The following ANKHD1 variants were observed in gnomAD, a reference collection of about 807,000 sequenced individuals.
ANKHD1 encodes ankyrin repeat and KH domain containing 1.
ANKHD1 carries 31 observed loss-of-function variants against 230.5 expected under a neutral mutation model. The observed-to-expected ratio is 0.13, with a 90% CI of 0.10 to 0.18. The LOEUF (loss-of-function observed/expected upper bound fraction) is 0.18. Among genes scored for constraint, ANKHD1 ranks in the 10% least tolerant of loss-of-function variants. ANKHD1 has a pLI of 1.00. For missense variants in ANKHD1, 2,256 were observed against 3,071.3 expected (o/e 0.73, Z 6.27); for synonymous variants, 1,074 against 1,117.6 (o/e 0.96, Z 0.78).
chr5:140,470,479 A>G (rs957953524), intron 10 of ANKHD1, among the ~76,000 whole-genome samples: 2 of 151,174 alleles, frequency 1.3e-5, no homozygotes, highest in African/African-American at 4.9e-5. Context: ...ATTCATATGT[A>G]TGGTCTCCCT....
At chr5:140,513,559 A>T in intron 24 of ANKHD1, 80 bp downstream of exon 24, 1 of 1,440,352 alleles carries the variant, frequency 6.9e-7, no homozygotes, top group Non-Finnish European at 9.4e-7. Context: ...CTATGATCCC[A>T]GCACTTCAGA....
intron 10 of ANKHD1, among the ~76,000 whole-genome samples, chr5:140,472,740 C>CT (rs1561774983): frequency 6.6e-6 from 1 of 151,992 alleles, no homozygotes; most frequent in Non-Finnish European, 1.5e-5. Flanking sequence ...AAAACGTTTA[C>CT]TATATAGTTT....
intron 1 of ANKHD1, among the ~76,000 whole-genome samples, chr5:140,424,243 C>G (rs200595466): frequency 1.3e-5 from 2 of 149,472 alleles, no homozygotes; most frequent in Middle Eastern, 3.4e-3. Flanking sequence ...GAGAGAGAGA[C>G]AGAGACAGAG....
chr5:140,463,330 C>T (rs1775853682), intron 9 of ANKHD1, among the ~76,000 whole-genome samples: 1 of 152,136 alleles, frequency 6.6e-6, no homozygotes, highest in Non-Finnish European at 1.5e-5. Flanking sequence ...TCATTGTAGT[C>T]TCTGATAGTT....
At chr5:140,532,203 CT>C (rs1215651678) in intron 29 of ANKHD1, among the ~76,000 whole-genome samples, 1 of 130,128 alleles carries the variant, frequency 7.7e-6, no homozygotes, top group Non-Finnish European at 1.6e-5. Context: ...GAGACTCTGT[CT>C]TAAAAAAAAA....
chr5:140,471,810 T>G (rs1776514286), intron 10 of ANKHD1, among the ~76,000 whole-genome samples: 1 of 152,174 alleles, frequency 6.6e-6, no homozygotes, highest in Non-Finnish European at 1.5e-5. Flanking sequence ...TTAAGTACAT[T>G]TATAATGAGG....
intron 14 of ANKHD1, among the ~76,000 whole-genome samples, chr5:140,494,953 T>A (rs1581336144): frequency 6.6e-6 from 1 of 152,306 alleles, no homozygotes; most frequent in Admixed American, 6.5e-5. Context: ...TTTAGTAAAT[T>A]TACTGAGTTG....
chr5:140,412,898 T>C (rs1273843887), intron 1 of ANKHD1, among the ~76,000 whole-genome samples: 2 of 152,220 alleles, frequency 1.3e-5, no homozygotes. Flanking sequence ...TTAGCAACTA[T>C]TTGTGGAAGA....
rs146844367 is a variant in ANKHD1, at chr5:140,447,330, A to G, written c.1147+1355A>G. On this transcript the variant is annotated intron_variant, in intron 6 of 33. Coordinates refer to ENST00000360839, the MANE Select transcript of ANKHD1 (RefSeq NM_017747.3). ...CTATCCTCCTGCCTCAGCCTCCTGA[A>G]TAGCTAGGATTACAGACTCACACCA... Among the ~76,000 whole-genome samples, 366 of 152,106 alleles carry G rather than the reference A, an allele frequency of 2.4e-3. No homozygotes were observed. In the Middle Eastern group the frequency reaches 0.034, roughly 14 times the overall value.
chr5:140,458,570 A>C, intron 7 of ANKHD1, 55 bp from the exon 8 acceptor site: 1 of 1,553,044 alleles, frequency 6.4e-7, no homozygotes, highest in Non-Finnish European at 8.7e-7. Flanking sequence ...CCACTTAAAA[A>C]AATCTCAAAA....
intron 6 of ANKHD1, among the ~76,000 whole-genome samples, chr5:140,446,199 G>A (rs886278954): frequency 6.6e-6 from 1 of 152,008 alleles, no homozygotes; most frequent in African/African-American, 2.4e-5. Flanking sequence ...TGGGTTAACT[G>A]TGAAGTTAAC....
At position 140,458,831 on chromosome 5, in the gene ANKHD1, T is replaced by G. The variant is rs1392808211; in HGVS notation, c.1449T>G (p.His483Gln). 1.2e-6 allele frequency: 2 copies of G among 1,612,582 alleles called. No individual in the cohort carries two copies. Among genetic ancestry groups the G allele is most frequent in the Non-Finnish European group, 1.7e-6 (2 of 1,179,466 alleles). Reference sequence around the variant, plus strand: ...TGATGGAAGCTGCCCGGGAAGGACATGAAGAAATGGTGGCACTACTCTTAG... The same window carrying G: ...TGATGGAAGCTGCCCGGGAAGGACAGGAAGAAATGGTGGCACTACTCTTAG... ...TPLMEAAREG[H>Q]EEMVALLLAQ... The change falls in exon 8 of 34, where the codon CAT (histidine) becomes CAG (glutamine). Residue 483 changes from histidine (H) to glutamine (Q), a missense_variant. Physicochemically the swap from His to Gln is conservative, Grantham distance 24 (BLOSUM62 0). Transcript: ENST00000360839.
intron 10 of ANKHD1, among the ~76,000 whole-genome samples, chr5:140,474,592 T>C (rs1020095741): frequency 2.6e-5 from 4 of 150,984 alleles, no homozygotes; most frequent in South Asian, 2.1e-4. Context: ...ACCTTTTTTT[T>C]TTCTTCTTTT....
At chr5:140,439,828 G>A (rs1409896921) in intron 3 of ANKHD1, among the ~76,000 whole-genome samples, 1 of 152,114 alleles carries the variant, frequency 6.6e-6, no homozygotes, top group Non-Finnish European at 1.5e-5. Flanking sequence ...GGACATGCTT[G>A]GTCTAATGCT....
chr5:140,496,468 T>TC, intron 14 of ANKHD1, 52 bp from the exon 15 acceptor site: 1 of 1,058,526 alleles, frequency 9.4e-7, no homozygotes, highest in Non-Finnish European at 1.2e-6. Flanking sequence ...TTTCTTTTTT[T>TC]TTTTTTTTTT....
chr5:140,463,680 G>C (rs1026676134), intron 9 of ANKHD1, among the ~76,000 whole-genome samples: 2 of 152,080 alleles, frequency 1.3e-5, no homozygotes, highest in African/African-American at 4.8e-5. Context: ...TTTTGAGACA[G>C]AGTCTTGCTC....
intron 24 of ANKHD1, 140 bp downstream of exon 24, chr5:140,513,619 G>C: frequency 1.4e-6 from 1 of 728,052 alleles, no homozygotes; most frequent in Non-Finnish European, 2.1e-6. Context: ...GACCAGCCTT[G>C]CTAACAAGGT....
intron 1 of ANKHD1, among the ~76,000 whole-genome samples, chr5:140,410,660 C>A (rs1770854980): frequency 6.6e-6 from 1 of 151,996 alleles, no homozygotes; most frequent in Non-Finnish European, 1.5e-5. Context: ...TCTTCACAGA[C>A]CTTATTGATC....
Position 140,497,249 on chromosome 5 carries a change from T to A in ANKHD1, c.2975T>A (p.Leu992His). 2 of 1,605,784 alleles carry A rather than the reference T, an allele frequency of 1.2e-6. No individual in the cohort carries two copies. Among genetic ancestry groups the A allele is most frequent in the Non-Finnish European group, 1.7e-6 (2 of 1,179,832 alleles). The stretch of plus-strand genomic sequence containing the variant: ...ATGGTTGCAACTCCAGCTCAGACGC[T>A]TACCGACACTCTTGATGACCTGATA... ...GLMVATPAQT[L>H]TDTLDDLIAA... is the part of the protein sequence containing the mutation. The change falls in exon 15 of 34, where the codon CTT (leucine) becomes CAT (histidine). Residue 992 changes from leucine to histidine, a missense_variant. By Grantham distance (99) the Leu-to-His change is moderately conservative. Transcript: ENST00000360839.
Sources: gnomAD v4.1 joint callset for allele counts (sites outside exome capture counted in the v4.1 genomes callset) on GRCh38, gnomAD v4.1.1 for gene constraint, MANE v1.5 for transcripts, NCBI Gene and HGNC (gene_info 2026-07-23, HGNC 2026-07-21) for gene names.